The following HEATR4 variants were observed in gnomAD, a reference collection of about 807,000 sequenced individuals.
The protein encoded by HEATR4 is HEAT repeat containing 4, also known as HEAT repeat-containing protein 4.
Under a neutral mutation model 108.8 loss-of-function variants are expected in HEATR4, and 95 were observed. That is an observed-to-expected ratio of 0.87 (90% CI 0.74 to 1.04). The LOEUF (loss-of-function observed/expected upper bound fraction) is 1.04, where lower values mean the gene tolerates loss of function less well. HEATR4 is among the 50% of genes least tolerant of loss of function. The pLI, the probability that HEATR4 is intolerant of heterozygous loss-of-function variation, is 0.00. For missense variants in HEATR4, 1,152 were observed against 1,253.8 expected (o/e 0.92, Z 1.23); for synonymous variants, 443 against 459.4 (o/e 0.96, Z 0.46).
chr14:73,504,255 T>TG (rs1353996034), intron 10 of HEATR4, among the ~76,000 whole-genome samples: 1 of 151,568 alleles, frequency 6.6e-6, no homozygotes, highest in East Asian at 1.9e-4. Flanking sequence ...TTTTTTTTTT[T>TG]TTTTTGAGAC....
At chr14:73,608,032 C>T in the HEATR4 span, among the ~76,000 whole-genome samples, 46 of 152,128 alleles carry the variant, frequency 3.0e-4, no homozygotes, top group African/African-American at 9.2e-4. Context: ...TCAAGCGATT[C>T]GCCTGCCTCA....
Position 73,552,269 on chromosome 14 carries a change from C to T in HEATR4, c.-152+6482G>A, listed in dbSNP as rs1384852299. ...CTCAGACACCTTCCACTGGTAACAA[C>T]CCCAGCCCAGAATTCTTCAAGGAGA... is the stretch of plus-strand genomic sequence containing the variant. On this transcript the variant is annotated intron_variant, in intron 1 of 17. Coordinates refer to ENST00000553558, the MANE Select transcript of HEATR4 (RefSeq NM_001220484.1). Among the ~76,000 whole-genome samples the T allele has an allele frequency of 3.2e-3, 308 of 97,060 alleles. 1 individual carries two copies. The highest frequency in any genetic ancestry group is 0.011 in the African/African-American group (291 of 26,800). 63.7% of individuals were successfully genotyped at this position (97,060 alleles called of 152,430 possible). A position where few individuals can be genotyped will look rare whatever the true frequency, so the allele number is the denominator to read the frequency against.
Position 73,523,128 on chromosome 14 carries a change from T to C in HEATR4, c.25A>G (p.Thr9Ala), listed in dbSNP as rs756947032. The C allele has an allele frequency of 5.0e-6, 8 of 1,602,468 alleles. No individual in the cohort carries two copies. In the Admixed American group the frequency reaches 1.3e-4, roughly 27 times the overall value. Residue 9 changes from threonine (T) to alanine (A), a missense_variant, in exon 3 of 18, where the codon ACC becomes GCC. Physicochemically the swap from Thr to Ala is moderately conservative, Grantham distance 58. Coordinates refer to ENST00000553558, the MANE Select transcript of HEATR4 (RefSeq NM_001220484.1). ...TGATAGAAGCAATGGGGGAGAAAGG[T>C]CTTTCCCTTCTGGGTCCTGGTCATA... MTRTQKGK[T>A]FLPHCFYQSL... is the part of the protein sequence containing the mutation.
the HEATR4 span, chr14:73,596,281 G>T: frequency 1.3e-5 from 2 of 152,182 alleles, no homozygotes; most frequent in African/African-American, 4.8e-5. Context: ...GTCAAGGGGG[G>T]CATATTGCTT....
At chr14:73,601,202 G>A in the HEATR4 span, among the ~76,000 whole-genome samples, 2 of 152,024 alleles carry the variant, frequency 1.3e-5, no homozygotes, top group African/African-American at 4.8e-5. Context: ...GACCCATCAG[G>A]TAAATGTACC....
At chr14:73,617,445 C>T in the HEATR4 span, among the ~76,000 whole-genome samples, 2 of 152,022 alleles carry the variant, frequency 1.3e-5, no homozygotes, top group South Asian at 2.1e-4. Context: ...AGTGAGACCC[C>T]TGTCTCAAAA....
At chr14:73,615,776 G>C in the HEATR4 span, among the ~76,000 whole-genome samples, 1 of 151,822 alleles carries the variant, frequency 6.6e-6, no homozygotes, top group African/African-American at 2.4e-5. Context: ...AACAGGCTGA[G>C]TGCAGTGGCT....
intron 17 of HEATR4, among the ~76,000 whole-genome samples, chr14:73,482,599 A>G (rs1452476452): frequency 6.6e-6 from 1 of 152,224 alleles, no homozygotes; most frequent in African/African-American, 2.4e-5. Context: ...TGTATAATAT[A>G]TGATGGTTAC....
At chr14:73,501,229 C>T (rs1162333268) in intron 11 of HEATR4, among the ~76,000 whole-genome samples, 2 of 152,050 alleles carry the variant, frequency 1.3e-5, no homozygotes, top group African/African-American at 4.8e-5. Context: ...CGCCATTCTC[C>T]TGCCTCAGCC....
intron 17 of HEATR4, among the ~76,000 whole-genome samples, chr14:73,488,331 C>T (rs1412001810): frequency 2.0e-5 from 3 of 152,124 alleles, no homozygotes; most frequent in Non-Finnish European, 4.4e-5. Flanking sequence ...AGTGCAGTAG[C>T]GTGATCTTGA....
At chr14:73,626,066 A>C in the HEATR4 span, among the ~76,000 whole-genome samples, 1 of 152,274 alleles carries the variant, frequency 6.6e-6, no homozygotes, top group African/African-American at 2.4e-5. Flanking sequence ...AGTCCTACTT[A>C]AGTGAACACA....
the HEATR4 span, among the ~76,000 whole-genome samples, chr14:73,620,891 A>T: frequency 0.011 from 1,722 of 150,930 alleles, 21 homozygotes; most frequent in Middle Eastern, 0.062. Context: ...GCCCATACAC[A>T]TTGCTGAACA....
intron 11 of HEATR4, 78 bp from the exon 12 acceptor site, chr14:73,500,808 T>A: frequency 7.2e-7 from 1 of 1,388,576 alleles, no homozygotes; most frequent in Non-Finnish European, 1.0e-6. Context: ...AATGCCCTCA[T>A]GATAAAATCC....
intron 2 of HEATR4, among the ~76,000 whole-genome samples, chr14:73,527,937 G>C (rs1281752817): frequency 4.2e-5 from 6 of 142,342 alleles, no homozygotes; most frequent in Admixed American, 3.5e-4. Context: ...CTCCAGCCTG[G>C]GTAACAGGGG....
At position 73,522,915 on chromosome 14, in the gene HEATR4, G is replaced by A. The variant is rs899575733; in HGVS notation, c.238C>T (p.Gln80Ter). 1.2e-6 allele frequency: 2 copies of A among 1,614,200 alleles called. No homozygotes were observed. Among genetic ancestry groups the A allele is most frequent in the African/African-American group, 1.3e-5 (1 of 75,048 alleles). ...TAAGGAATGCTGGGCAGGCCTCGCTGCCACACCACCTCCTGAGAGAAGGTA... is the reference window on the plus strand; with the variant it reads ...TAAGGAATGCTGGGCAGGCCTCGCTACCACACCACCTCCTGAGAGAAGGTA... ...NLTFSQEVVWQRGLPSIPYSQ... is the reference protein window; with the variant it reads ...NLTFSQEVVW The change falls in exon 3 of 18, where the codon CAG becomes TAG. Residue 80 changes from glutamine (Q) to a stop codon, truncating the protein, a stop_gained. Coordinates refer to ENST00000553558, the MANE Select transcript of HEATR4 (RefSeq NM_001220484.1). LOFTEE classifies it high-confidence loss of function.
chr14:73,492,041 G>T lies in HEATR4; in HGVS notation c.2844+1025C>A. 1.9e-6 allele frequency: 3 copies of T among 1,613,938 alleles called. No homozygotes were observed. Among genetic ancestry groups the T allele is most frequent in the Non-Finnish European group, 1.7e-6 (2 of 1,179,884 alleles). ...CTCGCAGGGCTTTGCCCCCCACTAC[G>T]ACGACATCGAGGCCTTCGTGCTGCA... On this transcript the variant is annotated intron_variant, in intron 17 of 17. Transcript: ENST00000553558. This position sits in a 1 kb window ranked among gnomAD's most constrained non-coding sequence, Gnocchi z 4.9.
chr14:73,605,232 A>G, the HEATR4 span, among the ~76,000 whole-genome samples: 1 of 152,182 alleles, frequency 6.6e-6, no homozygotes, highest in Non-Finnish European at 1.5e-5. Flanking sequence ...CTCTTTTAAA[A>G]AAAGTCCTTT....
the HEATR4 span, among the ~76,000 whole-genome samples, chr14:73,602,529 G>A: frequency 5.3e-5 from 8 of 152,112 alleles, no homozygotes; most frequent in Non-Finnish European, 1.2e-4. Context: ...AATACAGAGG[G>A]CTGTGTAAAG....
chr14:73,618,099 C>T, the HEATR4 span, among the ~76,000 whole-genome samples: 3 of 152,004 alleles, frequency 2.0e-5, no homozygotes, highest in African/African-American at 4.8e-5. Flanking sequence ...GTCGAGATTA[C>T]ACCATTGCAC....
Sources: gnomAD v4.1 joint callset for allele counts (sites outside exome capture counted in the v4.1 genomes callset) on GRCh38, gnomAD v4.1.1 for gene constraint, Gnocchi (gnomAD v3.1) non-coding constraint, MANE v1.5 for transcripts, NCBI Gene and HGNC (gene_info 2026-07-23, HGNC 2026-07-21) for gene names.